Variants in NTM observed in about 807,000 individuals in gnomAD.
NTM encodes the protein IgLON family member 2.
A neutral mutation model predicts 42.1 loss-of-function variants in NTM; 13 were observed. The ratio of observed to expected loss-of-function variants is 0.31; its 90% CI spans 0.20 to 0.49. NTM has a LOEUF of 0.49. Among genes scored for constraint, NTM ranks in the 20% least tolerant of loss-of-function variants. The pLI is 0.99. For missense variants in NTM, 373 were observed against 452.8 expected (o/e 0.82, Z 1.60); for synonymous variants, 187 against 179.2 (o/e 1.04, Z -0.35).
intron 1 of NTM, among the ~76,000 whole-genome samples, chr11:131,620,639 C>T (rs1056600521): frequency 1.3e-5 from 2 of 152,206 alleles, no homozygotes; most frequent in Non-Finnish European, 2.9e-5. Flanking sequence ...GCCTGAAATG[C>T]TCTTGCCCCT....
chr11:131,961,460 T>C (rs1481946780), intron 2 of NTM, among the ~76,000 whole-genome samples: 1 of 152,196 alleles, frequency 6.6e-6, no homozygotes. Context: ...TCCTTGACTA[T>C]CAAATCCATT....
chr11:131,568,587 G>C (rs1450876473), intron 1 of NTM, among the ~76,000 whole-genome samples: 3 of 152,114 alleles, frequency 2.0e-5, no homozygotes, highest in Admixed American at 2.0e-4. Flanking sequence ...CCCAACACAG[G>C]CTGCACCCAC....
intron 1 of NTM, among the ~76,000 whole-genome samples, chr11:131,819,873 A>G (rs1391256748): frequency 6.6e-6 from 1 of 152,144 alleles, no homozygotes; most frequent in Non-Finnish European, 1.5e-5. Context: ...ATTATGTGGT[A>G]TGGATGCTGC....
intron 1 of NTM, among the ~76,000 whole-genome samples, chr11:131,890,598 G>T (rs78296079): frequency 0.01 from 1,585 of 152,062 alleles, 25 homozygotes; most frequent in African/African-American, 0.036. Context: ...GATTTTCTGG[G>T]TTTTTTTTCT....
At chr11:132,189,326 C>G (rs370228918) in intron 3 of NTM, among the ~76,000 whole-genome samples, 1 of 152,138 alleles carries the variant, frequency 6.6e-6, no homozygotes, top group Non-Finnish European at 1.5e-5. Flanking sequence ...GACACCTGTC[C>G]TATGTTCCTT....
intron 1 of NTM, among the ~76,000 whole-genome samples, chr11:131,499,185 C>T (rs2046421475): frequency 6.6e-6 from 1 of 152,164 alleles, no homozygotes; most frequent in African/African-American, 2.4e-5. Flanking sequence ...TGGTTCTACA[C>T]ATTCATTTTG....
chr11:131,928,476 G>A (rs561454413), intron 2 of NTM, among the ~76,000 whole-genome samples: 14 of 152,230 alleles, frequency 9.2e-5, no homozygotes, highest in South Asian at 8.3e-4. Context: ...GTGGTCTCCC[G>A]TCTGTGTTTT....
chr11:132,060,466 C>T (rs2080480997), intron 2 of NTM, among the ~76,000 whole-genome samples: 1 of 133,444 alleles, frequency 7.5e-6, no homozygotes, highest in African/African-American at 2.5e-5. Context: ...TGGAACATAG[C>T]AGTGAGAGAA....
At chr11:132,181,955 T>TTGTTTATTATTA (rs59282682) in intron 3 of NTM, among the ~76,000 whole-genome samples, 1 of 141,018 alleles carries the variant, frequency 7.1e-6, no homozygotes, top group Non-Finnish European at 1.5e-5. Flanking sequence ...CACTATCTAG[T>TTGTTTATTATTA]TTATTATTAT....
At chr11:131,848,515 G>T (rs908155601) in intron 1 of NTM, among the ~76,000 whole-genome samples, 3 of 152,186 alleles carry the variant, frequency 2.0e-5, no homozygotes, top group Non-Finnish European at 2.9e-5. Flanking sequence ...TTATTACAGA[G>T]AACTCATCCC....
chr11:132,258,121 G>A (rs746009156), intron 4 of NTM, among the ~76,000 whole-genome samples: 13 of 152,318 alleles, frequency 8.5e-5, no homozygotes, highest in Non-Finnish European at 1.6e-4. Flanking sequence ...CAAGCCATGC[G>A]GCATCTCTAA....
intron 1 of NTM, among the ~76,000 whole-genome samples, chr11:131,378,017 A>G (rs1483701618): frequency 1.3e-5 from 2 of 152,252 alleles, no homozygotes. Flanking sequence ...TTTATTTGCA[A>G]TACTCTGTCT....
At chr11:131,854,260 A>ATT (rs1249297688) in intron 1 of NTM, among the ~76,000 whole-genome samples, 11 of 152,246 alleles carry the variant, frequency 7.2e-5, no homozygotes, top group Admixed American at 2.0e-4. Flanking sequence ...GTACACAGTG[A>ATT]TTTAAAAAGA....
intron 1 of NTM, among the ~76,000 whole-genome samples, chr11:131,741,597 ATTTG>A (rs1003634139): frequency 2.0e-5 from 3 of 152,222 alleles, no homozygotes; most frequent in African/African-American, 7.2e-5. Context: ...ATTAGAAGCA[ATTTG>A]TTTGTAAGTG....
At chr11:132,043,956 CTATGTGTGTGTGTGTG>C (rs2077540203) in intron 2 of NTM, among the ~76,000 whole-genome samples, 2 of 98,998 alleles carry the variant, frequency 2.0e-5, no homozygotes, top group African/African-American at 8.0e-5. Flanking sequence ...CAGACACCAA[CTATGTGTGTGTGTGTG>C]TGTGTGTGTG....
intron 4 of NTM, among the ~76,000 whole-genome samples, chr11:132,232,438 T>C (rs895386302): frequency 1.3e-5 from 2 of 152,152 alleles, no homozygotes; most frequent in African/African-American, 4.8e-5. Flanking sequence ...AGCTGGCTTG[T>C]CTATGGTCTA....
At chr11:132,220,641 CT>C (rs1307294723) in intron 4 of NTM, among the ~76,000 whole-genome samples, 1 of 152,142 alleles carries the variant, frequency 6.6e-6, no homozygotes, top group East Asian at 1.9e-4. Context: ...TTTTAAAACC[CT>C]TGGAAAATAT....
At chr11:132,212,229 T>A in intron 4 of NTM, 82 bp downstream of exon 4, 1 of 1,137,488 alleles carries the variant, frequency 8.8e-7, no homozygotes, top group Non-Finnish European at 1.3e-6. Flanking sequence ...TGGGTGCTGA[T>A]ACCTACTCCA....
intron 1 of NTM, among the ~76,000 whole-genome samples, chr11:131,758,577 CT>C (rs368977746): frequency 2.0e-5 from 3 of 150,988 alleles, no homozygotes; most frequent in South Asian, 2.1e-4. Context: ...TCCTTCCTTC[CT>C]TTTTTTCTTT....
Sources: allele counts gnomAD v4.1 joint callset (sites outside exome capture counted in the v4.1 genomes callset), GRCh38; gene constraint gnomAD v4.1.1; transcripts MANE v1.5; gene names NCBI Gene and HGNC (gene_info 2026-07-23, HGNC 2026-07-21).